Variants in TACC2 observed in about 807,000 individuals in gnomAD.
TACC2 encodes the protein transforming acidic coiled-coil containing protein 2.
In TACC2, 137 loss-of-function variants were observed where a neutral mutation model predicts 227.3. The observed-to-expected ratio is 0.60, with a 90% CI of 0.52 to 0.69. TACC2 has a LOEUF of 0.69. Ranked by LOEUF, TACC2 falls within the 30% of genes least tolerant of loss-of-function variation. The pLI is 0.00. For synonymous variants in TACC2, 1,523 were observed against 1,487.5 expected (o/e 1.02, Z -0.55); for missense variants, 3,470 against 3,694.4 (o/e 0.94, Z 1.57).
chr10:122,070,901 G>T (rs1488174931), intron 3 of TACC2, among the ~76,000 whole-genome samples: 1 of 152,006 alleles, frequency 6.6e-6, no homozygotes, highest in Non-Finnish European at 1.5e-5. Context: ...TCCAGCCTGG[G>T]TAGCAGAGGA....
At chr10:122,005,309 C>G (rs1954933297) in intron 1 of TACC2, among the ~76,000 whole-genome samples, 1 of 151,568 alleles carries the variant, frequency 6.6e-6, no homozygotes, top group African/African-American at 2.4e-5. Context: ...GTCTTGAACT[C>G]CTGACCTCAG....
intron 19 of TACC2, among the ~76,000 whole-genome samples, chr10:122,243,253 G>GT (rs1201479896): frequency 3.3e-5 from 5 of 152,004 alleles, no homozygotes; most frequent in African/African-American, 1.2e-4. Context: ...CCGATAACCA[G>GT]TTTTTTTTCT....
At chr10:122,232,114 A>G (rs777496896) in intron 16 of TACC2, among the ~76,000 whole-genome samples, 19 of 152,232 alleles carry the variant, frequency 1.2e-4, no homozygotes, top group Non-Finnish European at 2.2e-4. Flanking sequence ...CAGATTGGGG[A>G]TGTCCTCGTT....
chr10:122,204,836 A>G (rs1234454965), intron 8 of TACC2, among the ~76,000 whole-genome samples: 2 of 152,044 alleles, frequency 1.3e-5, no homozygotes, highest in African/African-American at 4.8e-5. Context: ...TCAAAAAAAA[A>G]AAAAATGACG....
intron 7 of TACC2, among the ~76,000 whole-genome samples, chr10:122,186,712 C>T (rs923570195): frequency 2.6e-5 from 4 of 152,104 alleles, no homozygotes; most frequent in Non-Finnish European, 4.4e-5. Context: ...GGGGTTTCAC[C>T]ATGTTGGCCA....
At chr10:122,021,208 G>T (rs11200341) in intron 1 of TACC2, among the ~76,000 whole-genome samples, 1 of 146,074 alleles carries the variant, frequency 6.8e-6, no homozygotes, top group Non-Finnish European at 1.5e-5. Flanking sequence ...TAGCCTGGGC[G>T]ACAGAGTGAG....
chr10:122,163,982 T>A, intron 7 of TACC2: 1 of 1,585,182 alleles, frequency 6.3e-7, no homozygotes, highest in South Asian at 1.2e-5. Flanking sequence ...CCTGGAGGCT[T>A]CCGAGGCAAT....
intron 3 of TACC2, chr10:122,051,851 A>T (rs2136222821): frequency 6.9e-6 from 1 of 145,836 alleles, no homozygotes; most frequent in South Asian, 2.2e-4. Flanking sequence ...GGGGCATGGA[A>T]GTGGGTGGCT....
intron 12 of TACC2, among the ~76,000 whole-genome samples, chr10:122,225,722 G>T (rs1041718690): frequency 9.9e-5 from 15 of 152,208 alleles, no homozygotes; most frequent in Admixed American, 4.6e-4. Context: ...CCCACTGCCT[G>T]GTGCGTTGGC....
At chr10:122,133,753 T>G (rs1007943220) in intron 6 of TACC2, among the ~76,000 whole-genome samples, 2 of 152,216 alleles carry the variant, frequency 1.3e-5, no homozygotes, top group South Asian at 4.1e-4. Context: ...TCACCCGTTG[T>G]GCCCCTATGT....
intron 22 of TACC2, 24 bp from the exon 23 acceptor site, chr10:122,253,967 C>T: frequency 6.2e-7 from 1 of 1,610,100 alleles, no homozygotes; most frequent in Non-Finnish European, 8.5e-7. Context: ...ACATCAGCAA[C>T]TTCTTCCTTG....
chr10:122,076,663 G>A (rs1309190881), intron 3 of TACC2, among the ~76,000 whole-genome samples: 2 of 151,932 alleles, frequency 1.3e-5, no homozygotes, highest in East Asian at 1.9e-4. Context: ...GAGTGTAGAG[G>A]TGTGTGATTG....
At chr10:122,218,182 A>T (rs2095449198) in intron 11 of TACC2, among the ~76,000 whole-genome samples, 1 of 151,994 alleles carries the variant, frequency 6.6e-6, no homozygotes. Flanking sequence ...TGACCTTGTG[A>T]TCTGCCCACC....
intron 5 of TACC2, among the ~76,000 whole-genome samples, chr10:122,101,320 T>A (rs1255755420): frequency 2.6e-5 from 4 of 152,140 alleles, no homozygotes; most frequent in Non-Finnish European, 4.4e-5. Flanking sequence ...CCAAGGAACA[T>A]CTATCACTAT....
At chr10:122,159,241 G>T (rs1052602748) in intron 7 of TACC2, among the ~76,000 whole-genome samples, 5 of 152,204 alleles carry the variant, frequency 3.3e-5, no homozygotes, top group Non-Finnish European at 7.3e-5. Flanking sequence ...GTCGGATTGG[G>T]ACTTTTTTGC....
intron 2 of TACC2, among the ~76,000 whole-genome samples, chr10:122,028,776 G>C (rs61679579): frequency 0.52 from 15,797 of 30,478 alleles, 3,964 homozygotes; most frequent in African/African-American, 0.65. Flanking sequence ...CCCTTCCCTT[G>C]CCTCCGCTCC....
At chr10:122,088,372 A>G in intron 4 of TACC2, 106 bp from the exon 5 acceptor site, 2 of 1,011,656 alleles carry the variant, frequency 2.0e-6, no homozygotes, top group Admixed American at 3.0e-5. Flanking sequence ...TTTTTGTAGT[A>G]GCCACTTAAA....
At chr10:122,110,750 C>A (rs1302073803) in intron 5 of TACC2, among the ~76,000 whole-genome samples, 1 of 152,158 alleles carries the variant, frequency 6.6e-6, no homozygotes, top group Non-Finnish European at 1.5e-5. Context: ...TAACCAGGTA[C>A]CTACTGCATT....
At chr10:122,034,775 C>A (rs1959696867) in intron 2 of TACC2, among the ~76,000 whole-genome samples, 1 of 151,854 alleles carries the variant, frequency 6.6e-6, no homozygotes, top group Admixed American at 6.6e-5. Flanking sequence ...ACTAAAAATA[C>A]AAAAATTAGC....
Sources: gnomAD v4.1 joint callset for allele counts (sites outside exome capture counted in the v4.1 genomes callset) on GRCh38, gnomAD v4.1.1 for gene constraint, MANE v1.5 for transcripts, NCBI Gene and HGNC (gene_info 2026-07-23, HGNC 2026-07-21) for gene names.